GRM8: variants seen among roughly 807,000 people sequenced by gnomAD.
GRM8 encodes the protein metabotropic glutamate receptor 8.
GRM8 carries 47 observed loss-of-function variants against 87.2 expected under a neutral mutation model. The ratio of observed to expected loss-of-function variants is 0.54; its 90% CI spans 0.43 to 0.69. The LOEUF (loss-of-function observed/expected upper bound fraction) is 0.69. Ranked by LOEUF, GRM8 falls within the 30% of genes least tolerant of loss-of-function variation. GRM8 has a pLI of 0.00. For synonymous variants in GRM8, 396 were observed against 404.5 expected (o/e 0.98, Z 0.25); for missense variants, 1,019 against 1,139.2 (o/e 0.89, Z 1.52).
At chr7:127,222,787 G>C (rs560739300) in intron 2 of GRM8, among the ~76,000 whole-genome samples, 25 of 152,228 alleles carry the variant, frequency 1.6e-4, no homozygotes, top group African/African-American at 6.0e-4. Context: ...TAAATAACTT[G>C]ATCAAGGTTA....
intron 8 of GRM8, among the ~76,000 whole-genome samples, chr7:126,588,933 A>G (rs1035226558): frequency 1.3e-5 from 2 of 152,138 alleles, no homozygotes; most frequent in South Asian, 4.1e-4. Context: ...AGTGAAATAC[A>G]GGAGTAGAGG....
chr7:126,573,712 G>A (rs1318243621), intron 8 of GRM8, among the ~76,000 whole-genome samples: 1 of 151,820 alleles, frequency 6.6e-6, no homozygotes, highest in Non-Finnish European at 1.5e-5. Context: ...AGCCTCTCAA[G>A]TAGCTTGGAC....
chr7:126,456,381 T>C (rs1327665160), intron 9 of GRM8, among the ~76,000 whole-genome samples: 1 of 151,460 alleles, frequency 6.6e-6, no homozygotes, highest in Non-Finnish European at 1.5e-5. Flanking sequence ...AGATAAAATC[T>C]GGAATTTGGG....
intron 7 of GRM8, among the ~76,000 whole-genome samples, chr7:126,753,679 A>C (rs1029258904): frequency 6.6e-6 from 1 of 151,910 alleles, no homozygotes; most frequent in African/African-American, 2.4e-5. Flanking sequence ...TTATATATAT[A>C]CATACATTAG....
At chr7:126,674,907 G>C (rs1240350204) in intron 7 of GRM8, among the ~76,000 whole-genome samples, 3 of 152,170 alleles carry the variant, frequency 2.0e-5, no homozygotes, top group African/African-American at 7.2e-5. Flanking sequence ...ATGTAGGAAT[G>C]GATATGGGCC....
intron 7 of GRM8, among the ~76,000 whole-genome samples, chr7:126,641,778 G>C (rs1802412925): frequency 6.6e-6 from 1 of 152,160 alleles, no homozygotes; most frequent in African/African-American, 2.4e-5. Context: ...AGACTGGAGG[G>C]TGGGTGGGAT....
chr7:127,224,969 C>G (rs1014152224), intron 2 of GRM8, among the ~76,000 whole-genome samples: 1 of 151,998 alleles, frequency 6.6e-6, no homozygotes, highest in African/African-American at 2.4e-5. Context: ...TAATAGTAGG[C>G]AATGATAAAT....
chr7:126,921,977 A>G (rs879723551), intron 3 of GRM8, among the ~76,000 whole-genome samples: 2 of 152,118 alleles, frequency 1.3e-5, no homozygotes, highest in Non-Finnish European at 2.9e-5. Flanking sequence ...CAAAGGTCCA[A>G]AGATCATCCC....
intron 9 of GRM8, among the ~76,000 whole-genome samples, chr7:126,507,018 G>C (rs1810579662): frequency 6.6e-6 from 1 of 152,014 alleles, no homozygotes; most frequent in Non-Finnish European, 1.5e-5. Context: ...ATCTAAAGAG[G>C]CTCTCAATGA....
intron 3 of GRM8, among the ~76,000 whole-genome samples, chr7:126,942,210 T>C (rs1031667500): frequency 1.3e-5 from 2 of 152,214 alleles, no homozygotes. Context: ...GTTACTATAT[T>C]GAGAACGTAC....
At chr7:127,194,326 G>A (rs540773788) in intron 2 of GRM8, among the ~76,000 whole-genome samples, 60 of 152,252 alleles carry the variant, frequency 3.9e-4, no homozygotes, top group Non-Finnish European at 7.8e-4. Flanking sequence ...GGACTGCGGC[G>A]TAAATAAGCT....
chr7:126,515,243 G>A (rs1478431340), intron 9 of GRM8, among the ~76,000 whole-genome samples: 1 of 151,972 alleles, frequency 6.6e-6, no homozygotes, highest in Non-Finnish European at 1.5e-5. Flanking sequence ...TGTGAATTAG[G>A]ATGCTTAATG....
At position 126,798,139 on chromosome 7, in the gene GRM8, T is replaced by C. The variant is rs377014025; in HGVS notation, c.1157-28074A>G. Among the ~76,000 whole-genome samples the C allele has an allele frequency of 1.4e-3, 205 of 148,146 alleles. 4 individuals are homozygous for C. The highest frequency in any genetic ancestry group is 4.6e-3 in the African/African-American group (184 of 39,596). On this transcript the variant is annotated intron_variant, in intron 6 of 10. Transcript: ENST00000339582. ...TCCAGTGTCTTCAACTTGTCTTCCA[T>C]TATATTGGGATTAATACCTTAGAGC... is the stretch of plus-strand genomic sequence containing the variant.
intron 6 of GRM8, among the ~76,000 whole-genome samples, chr7:126,880,214 C>T (rs1158945039): frequency 6.6e-6 from 1 of 152,086 alleles, no homozygotes; most frequent in Non-Finnish European, 1.5e-5. Flanking sequence ...AGCTCATGTG[C>T]CTCCACACCA....
At chr7:126,615,744 A>G (rs989257640) in intron 7 of GRM8, among the ~76,000 whole-genome samples, 6 of 152,202 alleles carry the variant, frequency 3.9e-5, no homozygotes, top group Non-Finnish European at 1.5e-5. Context: ...GATGAAACAG[A>G]CTTTAAACCA....
intron 2 of GRM8, among the ~76,000 whole-genome samples, chr7:127,186,682 T>C (rs1794755551): frequency 6.6e-6 from 1 of 152,206 alleles, no homozygotes; most frequent in Admixed American, 6.6e-5. Flanking sequence ...GATAAAAGCA[T>C]AAAACGTGTA....
intron 3 of GRM8, among the ~76,000 whole-genome samples, chr7:127,013,822 T>C (rs1424176943): frequency 6.6e-6 from 1 of 152,170 alleles, no homozygotes; most frequent in Non-Finnish European, 1.5e-5. Context: ...CCTCTCTTCA[T>C]GGAGCTTATA....
chr7:126,843,643 A>G (rs1052256026), intron 6 of GRM8, among the ~76,000 whole-genome samples: 3 of 152,230 alleles, frequency 2.0e-5, no homozygotes, highest in Middle Eastern at 3.2e-3. Context: ...TAGGCATTGT[A>G]ATTACCATTT....
At chr7:126,893,943 G>A (rs914209450) in intron 6 of GRM8, among the ~76,000 whole-genome samples, 3 of 151,842 alleles carry the variant, frequency 2.0e-5, no homozygotes, top group African/African-American at 7.3e-5. Context: ...AAGAAGTTGT[G>A]GTAATTCTCT....
Sources: gnomAD v4.1 joint callset for allele counts (sites outside exome capture counted in the v4.1 genomes callset) on GRCh38, gnomAD v4.1.1 for gene constraint, MANE v1.5 for transcripts, NCBI Gene and HGNC (gene_info 2026-07-23, HGNC 2026-07-21) for gene names.